Variants in SLFN12L observed in about 807,000 individuals in gnomAD.
SLFN12L encodes schlafen family member 12-like.
SLFN12L carries 34 observed loss-of-function variants against 34.8 expected under a neutral mutation model. That is an observed-to-expected ratio of 0.98 (90% CI 0.74 to 1.30). SLFN12L has a LOEUF of 1.30. Among genes scored for constraint, SLFN12L ranks in the 50% most tolerant of loss-of-function variants. The pLI, the probability that SLFN12L is intolerant of heterozygous loss-of-function variation, is 0.00. For missense variants in SLFN12L, 703 were observed against 696.2 expected, an observed-to-expected ratio of 1.01 and a Z score of -0.11; for synonymous variants, 259 against 247.5, an observed-to-expected ratio of 1.05 and a Z score of -0.44.
intron 1 of SLFN12L, among the ~76,000 whole-genome samples, chr17:35,532,267 C>T (rs1009153936): frequency 2.0e-5 from 3 of 151,896 alleles, no homozygotes; most frequent in Non-Finnish European, 4.4e-5. Flanking sequence ...TAGCGAAACC[C>T]CGACTCTACT....
At chr17:35,512,237 C>T (rs1322762336) in intron 2 of SLFN12L, among the ~76,000 whole-genome samples, 3 of 130,672 alleles carry the variant, frequency 2.3e-5, no homozygotes, top group Non-Finnish European at 4.7e-5. Context: ...TCACTGCAAG[C>T]TCCGCCTCCC....
At chr17:35,498,790 T>A in intron 2 of SLFN12L, 1 of 944,018 alleles carries the variant, frequency 1.1e-6, no homozygotes, top group Non-Finnish European at 1.6e-6. Context: ...AAAATGTTTA[T>A]CTTACTTATT....
intron 1 of SLFN12L, among the ~76,000 whole-genome samples, chr17:35,535,267 C>A (rs542980589): frequency 6.6e-6 from 1 of 150,814 alleles, no homozygotes; most frequent in East Asian, 1.9e-4. Context: ...CTCGGCTCAC[C>A]ACAACCTCCA....
intron 2 of SLFN12L, among the ~76,000 whole-genome samples, chr17:35,497,143 C>T (rs1915111757): frequency 6.6e-6 from 1 of 152,220 alleles, no homozygotes; most frequent in East Asian, 1.9e-4. Context: ...GTAATCTCAG[C>T]ACTTTGGGAG....
At chr17:35,530,422 GAA>G (rs1358692097) in intron 1 of SLFN12L, among the ~76,000 whole-genome samples, 404 of 9,556 alleles carry the variant, frequency 0.042, 60 homozygotes, top group African/African-American at 0.099. Flanking sequence ...AGGAAGGAAG[GAA>G]GGAAGGGAAG....
At chr17:35,503,016 A>G (rs982903126) in intron 2 of SLFN12L, among the ~76,000 whole-genome samples, 3 of 152,242 alleles carry the variant, frequency 2.0e-5, no homozygotes, top group Non-Finnish European at 4.4e-5. Context: ...TGTGTTAGAA[A>G]AAGAATTTAT....
At chr17:35,514,572 A>G (rs1171734865) in intron 2 of SLFN12L, among the ~76,000 whole-genome samples, 1 of 152,252 alleles carries the variant, frequency 6.6e-6, no homozygotes, top group African/African-American at 2.4e-5. Flanking sequence ...AAAAATGAAA[A>G]GATCTCTATC....
chr17:35,497,918 C>T (rs1250454729), intron 2 of SLFN12L, among the ~76,000 whole-genome samples: 1 of 152,208 alleles, frequency 6.6e-6, no homozygotes, highest in Non-Finnish European at 1.5e-5. Flanking sequence ...GGCGAAGTGG[C>T]TCATGCCTGT....
At chr17:35,536,987 T>G (rs2072468414) in intron 1 of SLFN12L, among the ~76,000 whole-genome samples, 2 of 151,682 alleles carry the variant, frequency 1.3e-5, no homozygotes, top group Non-Finnish European at 2.9e-5. Context: ...ACCAGCCTGG[T>G]CAATCTAGCA....
chr17:35,533,617 G>C (rs1235110341), intron 1 of SLFN12L, among the ~76,000 whole-genome samples: 1 of 152,230 alleles, frequency 6.6e-6, no homozygotes, highest in Non-Finnish European at 1.5e-5. Flanking sequence ...GTGAAGAAGG[G>C]GGGGAAGAAT....
chr17:35,500,315 C>T, intron 2 of SLFN12L: 1 of 152,102 alleles, frequency 6.6e-6, no homozygotes, highest in Non-Finnish European at 1.5e-5. Flanking sequence ...GAGGAGACCA[C>T]CCCTCATATT....
intron 2 of SLFN12L, among the ~76,000 whole-genome samples, chr17:35,495,706 C>A (rs113703402): frequency 1.3e-5 from 2 of 149,842 alleles, no homozygotes; most frequent in African/African-American, 4.9e-5. Flanking sequence ...ATTCTGCTCG[C>A]GAGCCGCAGA....
At chr17:35,504,006 T>C (rs1351483927) in intron 2 of SLFN12L, among the ~76,000 whole-genome samples, 1 of 152,242 alleles carries the variant, frequency 6.6e-6, no homozygotes, top group Non-Finnish European at 1.5e-5. Context: ...GTTTAACTCC[T>C]TCTTCTATTC....
intron 2 of SLFN12L, among the ~76,000 whole-genome samples, chr17:35,509,113 T>C (rs938925864): frequency 6.6e-6 from 1 of 152,178 alleles, no homozygotes; most frequent in Admixed American, 6.5e-5. Context: ...AGTGATGTGA[T>C]GACAGTGTCT....
At chr17:35,512,981 T>G (rs1417084892) in intron 2 of SLFN12L, among the ~76,000 whole-genome samples, 1 of 152,036 alleles carries the variant, frequency 6.6e-6, no homozygotes, top group Non-Finnish European at 1.5e-5. Context: ...TTGCTCCCTT[T>G]CCCTCCTCTA....
chr17:35,482,828 G>C (rs1327887707), intron 2 of SLFN12L, among the ~76,000 whole-genome samples: 1 of 152,170 alleles, frequency 6.6e-6, no homozygotes. Context: ...GAAGGCTGGG[G>C]ACCGGGCTGC....
At position 35,526,162 on chromosome 17, in the gene SLFN12L, C is replaced by A. The variant is rs377177089; in HGVS notation, c.-605-3193G>T. Among the ~76,000 whole-genome samples the A allele has an allele frequency of 2.6e-5, 4 of 152,204 alleles. No individual in the cohort carries two copies. In the South Asian group the frequency reaches 8.3e-4, roughly 32 times the overall value. ...CAATGCAACAAAAAGAGCTAACTAT[C>A]CTAAATATATATGTACCCAATACAG... On this transcript the variant is annotated intron_variant, in intron 1 of 4. Coordinates refer to ENST00000628453, the MANE Select transcript of SLFN12L (RefSeq NM_001363830.2).
chr17:35,480,386 A>G (rs909785776), intron 2 of SLFN12L, 191 bp from the exon 3 acceptor site: 3 of 467,804 alleles, frequency 6.4e-6, no homozygotes, highest in African/African-American at 6.0e-5. Context: ...TGAATTTTCA[A>G]ATTTGTTACA....
chr17:35,533,241 T>C (rs2072428111), intron 1 of SLFN12L, among the ~76,000 whole-genome samples: 1 of 152,254 alleles, frequency 6.6e-6, no homozygotes, highest in Non-Finnish European at 1.5e-5. Context: ...TTTTAAAAGA[T>C]GCATATTAAT....
Sources: gnomAD v4.1 joint callset for allele counts (sites outside exome capture counted in the v4.1 genomes callset) on GRCh38, gnomAD v4.1.1 for gene constraint, MANE v1.5 for transcripts, NCBI Gene and HGNC (gene_info 2026-07-23, HGNC 2026-07-21) for gene names.